KIZ: variants seen among roughly 807,000 people sequenced by gnomAD.
The protein encoded by KIZ is kizuna centrosomal protein, also known as centrosomal protein kizuna.
KIZ carries 68 observed loss-of-function variants against 79.6 expected under a neutral mutation model. The observed-to-expected ratio is 0.85, with a 90% CI of 0.70 to 1.05. The LOEUF (loss-of-function observed/expected upper bound fraction) is 1.05, where lower values mean the gene tolerates loss of function less well. Ranked by LOEUF, KIZ falls within the 50% of genes least tolerant of loss-of-function variation. KIZ has a pLI of 0.00. For missense variants in KIZ, 797 were observed against 800.4 expected (o/e 1.00, Z 0.05); for synonymous variants, 280 against 281.8 (o/e 0.99, Z 0.06).
rs150068293 is a variant in KIZ at position 21,244,731 on chromosome 20, G to A, written c.1924+443G>A. On this transcript the variant is annotated intron_variant, in intron 12 of 12. Coordinates refer to ENST00000619189, the MANE Select transcript of KIZ (RefSeq NM_018474.6). ...TCCCAGCTCCTCCACCTGGCCACCA[G>A]CCTCCAAACCCTGGCTTCCCCCGAC... 374 of 163,364 alleles carry A rather than the reference G, an allele frequency of 2.3e-3. 1 individual carries two copies. Among genetic ancestry groups the A allele is most frequent in the Admixed American group, 6.5e-3 (103 of 15,766 alleles). The allele number at this position is 163,364 out of a possible 1,614,324, so 10.1% of individuals were successfully genotyped here.
At chr20:21,214,489 C>T in intron 7 of KIZ, 46 bp from the exon 8 acceptor site, 1 of 1,445,590 alleles carries the variant, frequency 6.9e-7, no homozygotes, top group Non-Finnish European at 9.5e-7. Flanking sequence ...AGGAATGTGG[C>T]TACAGTTTGT....
intron 6 of KIZ, among the ~76,000 whole-genome samples, chr20:21,184,146 CTT>C (rs545005735): frequency 3.1e-4 from 42 of 137,586 alleles, no homozygotes; most frequent in Non-Finnish European, 2.9e-4. Context: ...TCCCTGACAT[CTT>C]TTTTTTTTTT....
At chr20:21,189,969 T>G (rs932681231) in intron 6 of KIZ, among the ~76,000 whole-genome samples, 3 of 152,304 alleles carry the variant, frequency 2.0e-5, no homozygotes, top group Non-Finnish European at 2.9e-5. Context: ...AAACACAGGT[T>G]TTGTAAGACA....
chr20:21,129,750 T>C (rs2031720184), intron 1 of KIZ, among the ~76,000 whole-genome samples: 2 of 150,422 alleles, frequency 1.3e-5, no homozygotes, highest in South Asian at 2.1e-4. Flanking sequence ...AAAATGTGTG[T>C]ATATATATAT....
At chr20:21,242,352 C>T (rs939652229) in intron 11 of KIZ, among the ~76,000 whole-genome samples, 1 of 152,234 alleles carries the variant, frequency 6.6e-6, no homozygotes, top group African/African-American at 2.4e-5. Flanking sequence ...GAATTTTAAG[C>T]GAGGAAGTGG....
intron 6 of KIZ, among the ~76,000 whole-genome samples, chr20:21,172,670 C>T (rs1223754730): frequency 1.3e-5 from 2 of 151,932 alleles, no homozygotes; most frequent in South Asian, 2.1e-4. Context: ...CAGTTTAATA[C>T]AAGATATAAG....
chr20:21,144,683 T>C (rs2032754569), intron 3 of KIZ, among the ~76,000 whole-genome samples: 2 of 152,180 alleles, frequency 1.3e-5, no homozygotes, highest in African/African-American at 4.8e-5. Context: ...TTGGTTATTA[T>C]TGCCCATTTG....
At chr20:21,215,759 C>G (rs967273144) in intron 9 of KIZ, 111 bp downstream of exon 9, 4 of 595,284 alleles carry the variant, frequency 6.7e-6, no homozygotes, top group African/African-American at 1.9e-5. Flanking sequence ...ATGTATTCAG[C>G]TACTGCATGC....
At chr20:21,197,951 G>A (rs2035417274) in intron 6 of KIZ, 1 of 152,234 alleles carries the variant, frequency 6.6e-6, no homozygotes, top group South Asian at 2.1e-4. Context: ...TGAAAAGCAA[G>A]TCAGGGCTTA....
intron 6 of KIZ, among the ~76,000 whole-genome samples, chr20:21,165,396 G>A (rs2033883397): frequency 6.6e-6 from 1 of 152,178 alleles, no homozygotes; most frequent in African/African-American, 2.4e-5. Flanking sequence ...CCATGGGTGA[G>A]GAGGGCCTTT....
At chr20:21,214,924 A>G (rs1393863673) in intron 8 of KIZ, among the ~76,000 whole-genome samples, 1 of 152,238 alleles carries the variant, frequency 6.6e-6, no homozygotes, top group East Asian at 1.9e-4. Context: ...TAGTGAATTT[A>G]TTTCTAATAA....
At chr20:21,151,101 A>G (rs2033096861) in intron 4 of KIZ, 1 of 152,264 alleles carries the variant, frequency 6.6e-6, no homozygotes, top group South Asian at 2.1e-4. Context: ...GAACTATTTT[A>G]ATACCCATTT....
intron 6 of KIZ, among the ~76,000 whole-genome samples, chr20:21,190,397 C>T (rs981442395): frequency 1.3e-5 from 2 of 152,220 alleles, no homozygotes; most frequent in African/African-American, 4.8e-5. Context: ...CCAATTGTTA[C>T]ACTGTTTAAA....
chr20:21,228,693 T>C (rs1225365137), intron 9 of KIZ, among the ~76,000 whole-genome samples: 5 of 152,190 alleles, frequency 3.3e-5, no homozygotes, highest in Non-Finnish European at 7.3e-5. Context: ...TTCTGGTTCA[T>C]TCCCGTAGCT....
intron 4 of KIZ, among the ~76,000 whole-genome samples, chr20:21,155,951 G>A (rs767645478): frequency 6.6e-6 from 1 of 152,152 alleles, no homozygotes; most frequent in Non-Finnish European, 1.5e-5. Flanking sequence ...AAAGCAACAA[G>A]CATGGTTAGG....
chr20:21,166,169 A>G, intron 6 of KIZ: 2 of 901,182 alleles, frequency 2.2e-6, no homozygotes, highest in Non-Finnish European at 3.3e-6. Flanking sequence ...TTTTTTGTCC[A>G]TGAGGCATTT....
At chr20:21,160,753 G>C (rs923814661) in intron 4 of KIZ, 1 of 152,088 alleles carries the variant, frequency 6.6e-6, no homozygotes, top group Non-Finnish European at 1.5e-5. Flanking sequence ...AGGACTTTGG[G>C]AAGTGATTAA....
Position 21,152,858 on chromosome 20 carries a change from G to A in KIZ, c.405+7204G>A, listed in dbSNP as rs6137272. On this transcript the variant is annotated intron_variant, in intron 4 of 12. Transcript: ENST00000619189. The stretch of plus-strand genomic sequence containing the variant: ...ACTAGGTTTTATTTATCATATACAA[G>A]TTCTATTCAGGGTCTATCTTAGTGA... Among the ~76,000 whole-genome samples the A allele has an allele frequency of 2.0e-5, 3 of 152,252 alleles. No individual in the cohort carries two copies. The East Asian group carries it at 5.8e-4, about 29-fold the overall frequency.
intron 2 of KIZ, 51 bp from the exon 3 acceptor site, chr20:21,136,339 A>T: frequency 9.6e-7 from 1 of 1,037,134 alleles, no homozygotes; most frequent in Non-Finnish European, 1.4e-6. Context: ...TCCCTTTCTT[A>T]GATTCGTCCA....
Sources: gnomAD v4.1 joint callset for allele counts (sites outside exome capture counted in the v4.1 genomes callset) on GRCh38, gnomAD v4.1.1 for gene constraint, MANE v1.5 for transcripts, NCBI Gene and HGNC (gene_info 2026-07-23, HGNC 2026-07-21) for gene names.